RAET1E: variants seen among roughly 807,000 people sequenced by gnomAD.
RAET1E encodes the protein retinoic acid early transcript 1E, also known as NKG2D ligand 4.
Under a neutral mutation model 21.1 loss-of-function variants are expected in RAET1E, and 27 were observed. The observed-to-expected ratio is 1.28, with a 90% CI of 0.94 to 1.76. RAET1E has a LOEUF of 1.76. Among genes scored for constraint, RAET1E ranks in the 40% most tolerant of loss-of-function variants. The pLI is 0.00. For synonymous variants in RAET1E, 113 were observed against 115.0 expected, an observed-to-expected ratio of 0.98 and a Z score of 0.11; for missense variants, 310 against 311.3, an observed-to-expected ratio of 1.00 and a Z score of 0.03.
At chr6:149,895,173 C>G (rs1778065474) in intron 2 of RAET1E, among the ~76,000 whole-genome samples, 1 of 152,210 alleles carries the variant, frequency 6.6e-6, no homozygotes, top group Non-Finnish European at 1.5e-5. Context: ...AGCCAGAGCT[C>G]TCCTGTATGA....
intron 2 of RAET1E, among the ~76,000 whole-genome samples, chr6:149,895,186 T>A (rs1223764627): frequency 6.6e-6 from 1 of 152,228 alleles, no homozygotes; most frequent in Non-Finnish European, 1.5e-5. Flanking sequence ...CTGTATGAGG[T>A]GTCTGTCGGC....
intron 1 of RAET1E, chr6:149,896,331 G>T (rs997198180): frequency 1.3e-5 from 2 of 152,316 alleles, no homozygotes; most frequent in African/African-American, 4.8e-5. Context: ...TCTATCTCTG[G>T]GGCTGGGGGA....
At position 149,888,203 on chromosome 6, in the gene RAET1E, A is replaced by G; in HGVS notation, c.*295T>C. On this transcript the variant is annotated 3_prime_UTR_variant, in exon 6 of 6. Transcript: ENST00000357183. The stretch of plus-strand genomic sequence containing the variant: ...AAAGGGGATGGGACCTGCTGAGCTA[A>G]ATCACGGTAAACGCAGACAGCAAAC... The G allele has an allele frequency of 1.6e-6, 1 of 630,024 alleles. No individual in the cohort carries two copies. The highest frequency in any genetic ancestry group is 1.8e-5 in the African/African-American group (1 of 56,108). 39.0% of individuals were successfully genotyped at this position (630,024 alleles called of 1,614,324 possible). A position where few individuals can be genotyped will look rare whatever the true frequency, so the allele number is the denominator to read the frequency against.
At chr6:149,896,347 G>A (rs565718157) in intron 1 of RAET1E, 1 of 152,430 alleles carries the variant, frequency 6.6e-6, no homozygotes, top group East Asian at 1.9e-4. Context: ...GGGGATAAGG[G>A]GTTGTCTGCT....
At chr6:149,890,391 T>C (rs1777835885) in intron 3 of RAET1E, among the ~76,000 whole-genome samples, 1 of 152,170 alleles carries the variant, frequency 6.6e-6, no homozygotes, top group Non-Finnish European at 1.5e-5. Context: ...GGAGGATTCA[T>C]GTCACAAGTA....
Position 149,890,988 on chromosome 6 carries a change from T to G in RAET1E, c.-87A>C. On this transcript the variant is annotated 5_prime_UTR_variant, in exon 3 of 6. Transcript: ENST00000357183. The stretch of plus-strand genomic sequence containing the variant: ...AAGAAATGTTATCCAACAGCGTGGG[T>G]GTGGGCACTGCCCAAATTCTTTACC... The G allele has an allele frequency of 1.1e-6, 1 of 948,926 alleles. No individual in the cohort carries two copies. Among genetic ancestry groups the G allele is most frequent in the Non-Finnish European group, 1.7e-6 (1 of 594,460 alleles). 58.8% of individuals were successfully genotyped at this position (948,926 alleles called of 1,614,324 possible).
At chr6:149,897,791 C>T (rs1050989065) in intron 1 of RAET1E, among the ~76,000 whole-genome samples, 1 of 152,144 alleles carries the variant, frequency 6.6e-6, no homozygotes, top group Non-Finnish European at 1.5e-5. Flanking sequence ...GCACGGATCC[C>T]TGAGTGCTTG....
At chr6:149,889,230 A>G in intron 5 of RAET1E, 118 bp downstream of exon 5, 2 of 1,480,876 alleles carry the variant, frequency 1.4e-6, no homozygotes, top group East Asian at 4.8e-5. Context: ...CTCTCCAGAC[A>G]GGAAGCCCAC....
chr6:149,890,698 C>T (rs890043417), intron 3 of RAET1E, 119 bp downstream of exon 3: 28 of 697,506 alleles, frequency 4.0e-5, no homozygotes, highest in Middle Eastern at 3.3e-4. Context: ...CTCTTCCTCA[C>T]GTCATCCTTA....
In RAET1E at chr6:149,890,952, C is replaced by T. The variant is rs375606363; in HGVS notation, c.-51G>A. 2.3e-6 allele frequency: 3 copies of T among 1,283,136 alleles called. No homozygotes were observed. The African/African-American group carries it at 4.4e-5, about 19-fold the overall frequency. The allele number at this position is 1,283,136 out of a possible 1,614,324, so 79.5% of individuals were successfully genotyped here. On this transcript the variant is annotated 5_prime_UTR_variant, in exon 3 of 6. In the 5' UTR this introduces an upstream ATG that the reference lacks. Coordinates refer to ENST00000357183, the MANE Select transcript of RAET1E (RefSeq NM_001394057.1). The stretch of plus-strand genomic sequence containing the variant: ...CTGGGCGTGTACACATTCACCCTCA[C>T]TGGTATGGTGAAGAAATGTTATCCA...
chr6:149,897,284 C>G (rs1378067942), intron 1 of RAET1E, among the ~76,000 whole-genome samples: 3 of 152,086 alleles, frequency 2.0e-5, no homozygotes, highest in East Asian at 1.9e-4. Flanking sequence ...ATCCTCCCCC[C>G]TCAGCCTCCC....
At position 149,885,244 on chromosome 6, in the gene RAET1E, C is replaced by T. The variant is rs7763849; in HGVS notation, c.*3254G>A. Among the ~76,000 whole-genome samples, 66,877 of 151,434 alleles carry T rather than the reference C, an allele frequency of 0.44. 15,396 individuals are homozygous for T. Among genetic ancestry groups the T allele is most frequent in the East Asian group, 0.88 (4,490 of 5,086 alleles). ...TGGAGAGTGACCCTGGTTTAAAGCC[C>T]GACTTTGCCAAACCGCTGTGGATGC... On this transcript the variant is annotated 3_prime_UTR_variant, in exon 6 of 6. Coordinates refer to ENST00000357183, the MANE Select transcript of RAET1E (RefSeq NM_001394057.1).
At position 149,883,588 on chromosome 6, in the gene RAET1E, T is replaced by G. The variant is rs944276493; in HGVS notation, c.*4910A>C. On this transcript the variant is annotated 3_prime_UTR_variant, in exon 6 of 6. Coordinates refer to ENST00000357183, the MANE Select transcript of RAET1E (RefSeq NM_001394057.1). ...GGCTCATGCCTGTAATCCCAGCTAC[T>G]CAGGAGGCTGAGGCAGGGGAATCGC... The G allele has an allele frequency of 1.3e-5, 2 of 152,330 alleles. No homozygotes were observed. The highest frequency in any genetic ancestry group is 2.4e-5 in the African/African-American group (1 of 41,434). The allele number at this position is 152,330 out of a possible 1,614,324, so 9.4% of individuals were successfully genotyped here. A position where few individuals can be genotyped will look rare whatever the true frequency, so the allele number is the denominator to read the frequency against.
At position 149,888,524 on chromosome 6, in the gene RAET1E, C is replaced by T. The variant is rs758862688; in HGVS notation, c.766G>A (p.Gly256Ser). The T allele has an allele frequency of 2.5e-6, 4 of 1,613,348 alleles. No homozygotes were observed. In the Admixed American group the frequency reaches 6.7e-5, roughly 27 times the overall value. Residue 256 changes from glycine (G) to serine (S), a missense_variant, in exon 6 of 6, where the codon GGT (glycine) becomes AGT (serine). Gly to Ser is a moderately conservative substitution (Grantham distance 56). Transcript: ENST00000357183. Reference protein sequence around the residue: ...VWWQNGEWQAGLWPLRTS With the variant: ...VWWQNGEWQASLWPLRTS ...TAAGACGTCCTCAAGGGCCAGAGAC[C>T]AGCCTGCCACTCACCATTTTGCCAC...
At position 149,885,961 on chromosome 6, in the gene RAET1E, T is replaced by G. The variant is rs912353493; in HGVS notation, c.*2537A>C. Reference sequence around the variant, plus strand: ...TTTCTGAGCTACGAGTGGGGGTAGTTAATTCTATCCAGGAAGAATGGTGAC... The same window carrying G: ...TTTCTGAGCTACGAGTGGGGGTAGTGAATTCTATCCAGGAAGAATGGTGAC... On this transcript the variant is annotated 3_prime_UTR_variant, in exon 6 of 6. Coordinates refer to ENST00000357183, the MANE Select transcript of RAET1E (RefSeq NM_001394057.1). Among the ~76,000 whole-genome samples the G allele has an allele frequency of 3.3e-5, 5 of 152,252 alleles. No individual in the cohort carries two copies. Among genetic ancestry groups the G allele is most frequent in the Non-Finnish European group, 7.3e-5 (5 of 68,040 alleles).
At position 149,888,157 on chromosome 6, in the gene RAET1E, GTCT is replaced by G; in HGVS notation, c.*338_*340del. ...CTGCAGCCACAAGCGCCACCAGCAA[GTCT>G]TCTCAGGGTGAACGGGAAAAGGGGA... On this transcript the variant is annotated 3_prime_UTR_variant, in exon 6 of 6. Transcript: ENST00000357183. 7.1e-6 allele frequency: 4 copies of G among 560,730 alleles called. No homozygotes were observed. Among genetic ancestry groups the G allele is most frequent in the Non-Finnish European group, 1.4e-5 (4 of 290,778 alleles). The allele number at this position is 560,730 out of a possible 1,614,324, so 34.7% of individuals were successfully genotyped here. A position where few individuals can be genotyped will look rare whatever the true frequency, so the allele number is the denominator to read the frequency against.
At position 149,886,249 on chromosome 6, in the gene RAET1E, A is replaced by G. The variant is rs1390989512; in HGVS notation, c.*2249T>C. Among the ~76,000 whole-genome samples the G allele has an allele frequency of 6.6e-6, 1 of 152,186 alleles. No individual in the cohort carries two copies. The highest frequency in any genetic ancestry group is 2.4e-5 in the African/African-American group (1 of 41,450). ...TTCCTTGTACTTTTTAATTTGATATATAGTTATTTGGAAGCATATTATTTG... is the reference window on the plus strand; with the variant it reads ...TTCCTTGTACTTTTTAATTTGATATGTAGTTATTTGGAAGCATATTATTTG... On this transcript the variant is annotated 3_prime_UTR_variant, in exon 6 of 6. Transcript: ENST00000357183.
rs1224180275 is a variant in RAET1E at position 149,887,505 on chromosome 6, C to T, written c.*993G>A. On this transcript the variant is annotated 3_prime_UTR_variant, in exon 6 of 6. Transcript: ENST00000357183. ...TATCTTGCCAAGCCTGTTGTGACAC[C>T]GATCTTGGCAAACTCACTTTTCATG... is the stretch of plus-strand genomic sequence containing the variant. 6.6e-6 allele frequency among the ~76,000 whole-genome samples: 1 copy of T among 152,136 alleles called. No individual in the cohort carries two copies. The highest frequency in any genetic ancestry group is 1.9e-4 in the East Asian group (1 of 5,188).
chr6:149,895,402 G>A (rs1295195693), intron 2 of RAET1E: 1 of 152,324 alleles, frequency 6.6e-6, no homozygotes, highest in East Asian at 1.9e-4. Flanking sequence ...CCAGAGAGGA[G>A]AAATCTGGCA....
Sources: allele counts gnomAD v4.1 joint callset (sites outside exome capture counted in the v4.1 genomes callset), GRCh38; gene constraint gnomAD v4.1.1; transcripts MANE v1.5; gene names NCBI Gene and HGNC (gene_info 2026-07-23, HGNC 2026-07-21).